Variants in ZC3H3 observed in about 807,000 individuals in gnomAD.
The protein encoded by ZC3H3 is zinc finger CCCH domain-containing protein 3.
ZC3H3 carries 36 observed loss-of-function variants against 77.3 expected under a neutral mutation model. That is an observed-to-expected ratio of 0.47 (90% CI 0.36 to 0.61). ZC3H3 has a LOEUF of 0.61. Among genes scored for constraint, ZC3H3 ranks in the 20% least tolerant of loss-of-function variants. The pLI is 0.00. For synonymous variants in ZC3H3, 626 were observed against 555.2 expected (o/e 1.13, Z -1.79); for missense variants, 1,331 against 1,312.2 (o/e 1.01, Z -0.22).
intron 9 of ZC3H3, among the ~76,000 whole-genome samples, chr8:143,458,084 C>A (rs1820167328): frequency 6.6e-6 from 1 of 152,086 alleles, no homozygotes; most frequent in Non-Finnish European, 1.5e-5. Flanking sequence ...TGACAAACCT[C>A]TAGTAAAACA....
chr8:143,535,356 C>T (rs1760465088), intron 3 of ZC3H3, among the ~76,000 whole-genome samples: 1 of 152,114 alleles, frequency 6.6e-6, no homozygotes, highest in Non-Finnish European at 1.5e-5. Flanking sequence ...GATTTCTGAG[C>T]ACCGGTTCCC....
At chr8:143,499,871 C>T (rs1355125107) in intron 4 of ZC3H3, among the ~76,000 whole-genome samples, 1 of 152,198 alleles carries the variant, frequency 6.6e-6, no homozygotes, top group Non-Finnish European at 1.5e-5. Flanking sequence ...GGAAACGTGC[C>T]CTGGAGCCAC....
intron 4 of ZC3H3, among the ~76,000 whole-genome samples, chr8:143,489,042 G>A (rs1821126311): frequency 6.6e-6 from 1 of 152,052 alleles, no homozygotes; most frequent in South Asian, 2.1e-4. Context: ...TGGCAGCGCT[G>A]ACCCCCAGGA....
At chr8:143,518,380 G>A (rs539913062) in intron 3 of ZC3H3, among the ~76,000 whole-genome samples, 27 of 152,344 alleles carry the variant, frequency 1.8e-4, no homozygotes, top group Admixed American at 1.1e-3. Context: ...CATGTGGCAC[G>A]GCCTTCTCTC....
At chr8:143,491,083 C>T (rs1821188196) in intron 4 of ZC3H3, among the ~76,000 whole-genome samples, 1 of 152,200 alleles carries the variant, frequency 6.6e-6, no homozygotes, top group Admixed American at 6.5e-5. Flanking sequence ...ATGCTTGCCC[C>T]TCCCTCCAGG....
chr8:143,469,577 A>ACGGCCTGGGAGGG lies in ZC3H3; in HGVS notation c.1904-931_1904-919dup, dbSNP rs570575631. Among the ~76,000 whole-genome samples the ACGGCCTGGGAGGG allele has an allele frequency of 1.2e-3, 186 of 152,322 alleles. 7 individuals are homozygous for ACGGCCTGGGAGGG. The South Asian group carries it at 0.037, about 30-fold the overall frequency. Reference sequence around the variant, plus strand: ...CCCCGCCTTTCTGAAACCGCACACCACGGCCTGGGAGGGCGGCCTGGGAGT... The same window carrying ACGGCCTGGGAGGG: ...CCCCGCCTTTCTGAAACCGCACACCACGGCCTGGGAGGGCGGCCTGGGAGGGCGGCCTGGGAGT... On this transcript the variant is annotated intron_variant, in intron 5 of 11. Transcript: ENST00000262577.
rs560696394 is a variant in ZC3H3, at chr8:143,494,071, G to C, written c.1715+13675C>G. Among the ~76,000 whole-genome samples, 3 of 152,186 alleles carry C rather than the reference G, an allele frequency of 2.0e-5. No homozygotes were observed. Among genetic ancestry groups the C allele is most frequent in the East Asian group, 3.9e-4 (2 of 5,192 alleles). On this transcript the variant is annotated intron_variant, in intron 4 of 11. Transcript: ENST00000262577. The surrounding 1 kb of genome is among the most constrained non-coding windows in gnomAD (Gnocchi z 5.3). ...TGCCGGAGTCCTGCCTCAGCAGCAC[G>C]TGGGGAAGCCTGGGGAGTGGGAGGG...
intron 3 of ZC3H3, among the ~76,000 whole-genome samples, chr8:143,511,435 C>T (rs925689279): frequency 2.0e-5 from 3 of 152,210 alleles, no homozygotes; most frequent in South Asian, 2.1e-4. Context: ...AAATAAGTTG[C>T]TAATTTCACA....
intron 4 of ZC3H3, among the ~76,000 whole-genome samples, chr8:143,499,478 G>A (rs957448710): frequency 3.3e-5 from 5 of 152,178 alleles, no homozygotes; most frequent in Non-Finnish European, 7.4e-5. Context: ...CCGGTGTTCA[G>A]TGCAAACACA....
chr8:143,471,823 G>A (rs1299718460), intron 5 of ZC3H3, among the ~76,000 whole-genome samples: 1 of 152,262 alleles, frequency 6.6e-6, no homozygotes, highest in Non-Finnish European at 1.5e-5. Context: ...CACCAGGGGA[G>A]GAAATTTATT....
chr8:143,516,564 C>CAT (rs1361140032), intron 3 of ZC3H3, among the ~76,000 whole-genome samples: 2 of 96,056 alleles, frequency 2.1e-5, no homozygotes, highest in African/African-American at 9.8e-5. Flanking sequence ...CACACACACA[C>CAT]ACATACACAC....
intron 3 of ZC3H3, among the ~76,000 whole-genome samples, chr8:143,514,905 G>T (rs982995996): frequency 6.6e-6 from 1 of 152,212 alleles, no homozygotes. Flanking sequence ...TCCCTGTCAG[G>T]CCCATGTGCG....
chr8:143,442,257 C>A (rs1819761185), intron 9 of ZC3H3, among the ~76,000 whole-genome samples: 1 of 152,156 alleles, frequency 6.6e-6, no homozygotes, highest in Admixed American at 6.5e-5. Flanking sequence ...TGCACCCTCA[C>A]TCACTCATTC....
chr8:143,489,704 A>G (rs1335906535), intron 4 of ZC3H3, among the ~76,000 whole-genome samples: 2 of 152,206 alleles, frequency 1.3e-5, no homozygotes, highest in Non-Finnish European at 2.9e-5. Context: ...TGCTGAGATT[A>G]TATCTATTTT....
At position 143,506,067 on chromosome 8, in the gene ZC3H3, C is replaced by T. The variant is rs1009070982; in HGVS notation, c.1715+1679G>A. On this transcript the variant is annotated intron_variant, in intron 4 of 11. Transcript: ENST00000262577. Reference sequence around the variant, plus strand: ...GCCGGCTGCCACCTCCTCCTCCTCCCGGCCTCCTCAGCCCCAGGGCATGGG... The same window carrying T: ...GCCGGCTGCCACCTCCTCCTCCTCCTGGCCTCCTCAGCCCCAGGGCATGGG... Among the ~76,000 whole-genome samples, 24 of 152,364 alleles carry T rather than the reference C, an allele frequency of 1.6e-4. No individual in the cohort carries two copies. In the East Asian group the frequency reaches 2.3e-3, roughly 15 times the overall value.
At chr8:143,490,450 G>A (rs911876584) in intron 4 of ZC3H3, among the ~76,000 whole-genome samples, 3 of 152,106 alleles carry the variant, frequency 2.0e-5, no homozygotes, top group African/African-American at 4.8e-5. Flanking sequence ...GAGACCACCC[G>A]GGCCCAGCCC....
rs1416651155 is a variant in ZC3H3, at chr8:143,538,982, G to A, written c.385C>T (p.Pro129Ser). ...QGQNVVIKVK[P>S]PSKSGSASAS... The stretch of plus-strand genomic sequence containing the variant: ...CTGGCAGAGCCAGACTTTGATGGCG[G>A]TTTAACTTTGATGACCACGTTCTGA... The change falls in exon 2 of 12, where the codon CCG becomes TCG. Residue 129 changes from proline (P) to serine (S), a missense_variant. Pro to Ser is a moderately conservative substitution (Grantham distance 74, BLOSUM62 -1). Transcript: ENST00000262577. 1 of 1,613,086 alleles carries A rather than the reference G, an allele frequency of 6.2e-7. No individual in the cohort carries two copies. Among genetic ancestry groups the A allele is most frequent in the Non-Finnish European group, 8.5e-7 (1 of 1,180,032 alleles).
At chr8:143,455,526 A>G (rs1820095242) in intron 9 of ZC3H3, among the ~76,000 whole-genome samples, 1 of 151,816 alleles carries the variant, frequency 6.6e-6, no homozygotes, top group South Asian at 2.1e-4. Context: ...TAATAATAAT[A>G]TAATATTCTG....
chr8:143,508,012 A>C, intron 3 of ZC3H3, 113 bp from the exon 4 acceptor site: 1 of 1,251,644 alleles, frequency 8.0e-7, no homozygotes, highest in Non-Finnish European at 1.1e-6. Flanking sequence ...GAGCTTGAAG[A>C]CCCTCCATCG....
Sources: allele counts gnomAD v4.1 joint callset (sites outside exome capture counted in the v4.1 genomes callset), GRCh38; gene constraint gnomAD v4.1.1; non-coding constraint Gnocchi (gnomAD v3.1); transcripts MANE v1.5; gene names NCBI Gene and HGNC (gene_info 2026-07-23, HGNC 2026-07-21).